TRIP11: variants seen among roughly 807,000 people sequenced by gnomAD.
TRIP11 encodes thyroid hormone receptor interactor 11.
In TRIP11, 148 loss-of-function variants were observed where a neutral mutation model predicts 223.1. The ratio of observed to expected loss-of-function variants is 0.66; its 90% CI spans 0.58 to 0.76. TRIP11 has a LOEUF of 0.76. Among genes scored for constraint, TRIP11 ranks in the 30% least tolerant of loss-of-function variants. TRIP11 has a pLI of 0.00. For synonymous variants in TRIP11, 762 were observed against 772.6 expected (o/e 0.99, Z 0.23); for missense variants, 2,043 against 2,222.0 (o/e 0.92, Z 1.62).
intron 13 of TRIP11, among the ~76,000 whole-genome samples, chr14:91,997,750 G>A (rs1033039054): frequency 6.6e-6 from 1 of 152,138 alleles, no homozygotes; most frequent in Non-Finnish European, 1.5e-5. Flanking sequence ...TAAGGCTAAG[G>A]TGGTAGGAGC....
At chr14:91,971,927 GATATGAGT>G (rs2056405109) in intron 20 of TRIP11, among the ~76,000 whole-genome samples, 2 of 152,106 alleles carry the variant, frequency 1.3e-5, no homozygotes, top group Admixed American at 6.5e-5. Flanking sequence ...TCTGATGTGT[GATATGAGT>G]ATATAACATA....
intron 14 of TRIP11, among the ~76,000 whole-genome samples, chr14:91,994,834 T>A (rs2056728049): frequency 6.6e-6 from 1 of 152,144 alleles, no homozygotes; most frequent in Non-Finnish European, 1.5e-5. Context: ...TATTATTGTG[T>A]CTCCAAAAAA....
chr14:91,993,062 A>C (rs1382375767), intron 15 of TRIP11, among the ~76,000 whole-genome samples: 1 of 151,836 alleles, frequency 6.6e-6, no homozygotes, highest in Non-Finnish European at 1.5e-5. Flanking sequence ...GATGGAATAG[A>C]AAAATATTTT....
intron 7 of TRIP11, 28 bp from the exon 8 acceptor site, chr14:92,011,823 T>C: frequency 6.2e-7 from 1 of 1,601,346 alleles, no homozygotes; most frequent in South Asian, 1.1e-5. Context: ...GAACTTGACA[T>C]TAAAATTATT....
chr14:92,015,179 T>C (rs1284944305), intron 6 of TRIP11, among the ~76,000 whole-genome samples: 2 of 152,118 alleles, frequency 1.3e-5, no homozygotes, highest in African/African-American at 4.8e-5. Flanking sequence ...GCTGGGGTTA[T>C]AGCCATAAGC....
At position 92,005,840 on chromosome 14, in the gene TRIP11, C is replaced by T; in HGVS notation, c.2136G>A (p.Glu712=). 6.2e-7 allele frequency: 1 copy of T among 1,614,048 alleles called. No individual in the cohort carries two copies. The highest frequency in any genetic ancestry group is 8.5e-7 in the Non-Finnish European group (1 of 1,180,014). ...QLSLEKNTIV[E]TLKMEKGEIE... Reference sequence around the variant, plus strand: ...TCTCTCCTTTTTCCATTTTTAGAGTCTCCACAATAGTGTTTTTTTCCAGAG... The same window carrying T: ...TCTCTCCTTTTTCCATTTTTAGAGTTTCCACAATAGTGTTTTTTTCCAGAG... The change falls in exon 11 of 21, where the codon GAG becomes GAA. Residue 712 remains glutamate (E), a synonymous_variant. Coordinates refer to ENST00000267622, the MANE Select transcript of TRIP11 (RefSeq NM_004239.4).
chr14:91,976,311 G>A (rs1173755188), intron 16 of TRIP11, 122 bp from the exon 17 acceptor site: 12 of 847,964 alleles, frequency 1.4e-5, no homozygotes, highest in Non-Finnish European at 2.3e-5. Context: ...TTCTAATTGG[G>A]AATATTCAAT....
At chr14:92,009,228 C>T (rs530060015) in intron 9 of TRIP11, among the ~76,000 whole-genome samples, 1 of 152,236 alleles carries the variant, frequency 6.6e-6, no homozygotes, top group South Asian at 2.1e-4. Flanking sequence ...GATATGGTGT[C>T]TCACTATGTT....
intron 10 of TRIP11, 128 bp from the exon 11 acceptor site, chr14:92,006,576 G>T (rs978955900): frequency 9.4e-7 from 1 of 1,059,416 alleles, no homozygotes; most frequent in Non-Finnish European, 1.3e-6. Flanking sequence ...TAAAAACATT[G>T]TTTTTCTATC....
At chr14:91,976,390 A>G (rs1218910863) in intron 16 of TRIP11, among the ~76,000 whole-genome samples, 2 of 152,210 alleles carry the variant, frequency 1.3e-5, no homozygotes, top group East Asian at 1.9e-4. Context: ...GCCAGAGTGC[A>G]TTAATTCACA....
intron 19 of TRIP11, 87 bp downstream of exon 19, chr14:91,974,540 T>TA (rs1704179788): frequency 5.1e-5 from 59 of 1,147,420 alleles, no homozygotes; most frequent in Non-Finnish European, 6.2e-5. Flanking sequence ...TAAAATAATT[T>TA]TAAAAAAAAA....
In TRIP11 at chr14:91,969,650, A is replaced by C; in HGVS notation, c.*23T>G. 2 of 1,610,346 alleles carry C rather than the reference A, an allele frequency of 1.2e-6. No individual in the cohort carries two copies. Among genetic ancestry groups the C allele is most frequent in the South Asian group, 2.2e-5 (2 of 90,960 alleles). ...GTTCATGGTTTCTTTAAAGTGCTAG[A>C]TTGTCTCTGGCTTGAGAATCATCTA... On this transcript the variant is annotated 3_prime_UTR_variant, in exon 21 of 21. Transcript: ENST00000267622.
In TRIP11 at chr14:92,039,672, A is replaced by C. The variant is rs375980869; in HGVS notation, c.14T>G (p.Leu5Arg). ...GCCCAATCCGGAGCCGAGGCCCCCA[A>C]GCCAGGACGACATCGCGGCGAGTTT... MSSW[L>R]GGLGSGLGQS... The change falls in exon 1 of 21, where the codon CTT becomes CGT. Residue 5 changes from leucine to arginine, a missense_variant. By Grantham distance (102) the Leu-to-Arg change is moderately radical. Coordinates refer to ENST00000267622, the MANE Select transcript of TRIP11 (RefSeq NM_004239.4). 3.8e-5 allele frequency: 61 copies of C among 1,612,438 alleles called. No homozygotes were observed. Among genetic ancestry groups the C allele is most frequent in the Non-Finnish European group, 4.8e-5 (57 of 1,179,358 alleles).
chr14:91,992,079 C>A (rs1329989162), intron 15 of TRIP11, among the ~76,000 whole-genome samples: 145 of 59,732 alleles, frequency 2.4e-3, no homozygotes, highest in Admixed American at 5.7e-3. Context: ...AACGCCGTCT[C>A]AAAAAAAAAA....
chr14:92,014,759 T>C (rs1354140270), intron 6 of TRIP11, among the ~76,000 whole-genome samples, 182 bp from the exon 7 acceptor site: 1 of 152,184 alleles, frequency 6.6e-6, no homozygotes, highest in East Asian at 1.9e-4. Flanking sequence ...ATCAACTACA[T>C]AAAGGCCTAT....
At position 92,003,770 on chromosome 14, in the gene TRIP11, T is replaced by C. The variant is rs746081059; in HGVS notation, c.4206A>G (p.Gln1402=). 19 of 1,614,092 alleles carry C rather than the reference T, an allele frequency of 1.2e-5. No individual in the cohort carries two copies. Among genetic ancestry groups the C allele is most frequent in the Admixed American group, 5.0e-5 (3 of 60,008 alleles). The change falls in exon 11 of 21, where the codon CAA becomes CAG. Residue 1402 remains glutamine, a synonymous_variant. Coordinates refer to ENST00000267622, the MANE Select transcript of TRIP11 (RefSeq NM_004239.4). ...CCTTAAGTAACTTTTGCAAAACATC[T>C]TGTTTCTCCTTTAGCTGCTTGATTT... ...DSEIKQLKEK[Q]DVLQKLLKEK...
rs867073174 is a variant in TRIP11, at chr14:92,018,968, A to C, written c.589-1218T>G. Among the ~76,000 whole-genome samples the C allele has an allele frequency of 5.2e-4, 78 of 151,046 alleles. 1 individual carries two copies. Among genetic ancestry groups the C allele is most frequent in the African/African-American group, 1.6e-3 (67 of 41,378 alleles). On this transcript the variant is annotated intron_variant, in intron 4 of 20. Transcript: ENST00000267622. ...AGAGCAAGACTCCATCTCAAAAAAA[A>C]AAAAAAAAAACAAAAAAAAAACTTT...
chr14:92,029,812 G>T (rs551671318), intron 2 of TRIP11, among the ~76,000 whole-genome samples: 1 of 152,272 alleles, frequency 6.6e-6, no homozygotes, highest in East Asian at 1.9e-4. Flanking sequence ...GCATCCTAGA[G>T]TCTAATGGTT....
intron 4 of TRIP11, among the ~76,000 whole-genome samples, chr14:92,019,767 C>T (rs560086728): frequency 3.3e-5 from 5 of 152,254 alleles, no homozygotes; most frequent in African/African-American, 9.6e-5. Context: ...TGAGTGCCAA[C>T]ATGATGCCAC....
Sources: gnomAD v4.1 joint callset for allele counts (sites outside exome capture counted in the v4.1 genomes callset) on GRCh38, gnomAD v4.1.1 for gene constraint, MANE v1.5 for transcripts, NCBI Gene and HGNC (gene_info 2026-07-23, HGNC 2026-07-21) for gene names.